UTS2B: variants seen among roughly 807,000 people sequenced by gnomAD.
UTS2B encodes the protein urotensin 2B.
Under a neutral mutation model 19.2 loss-of-function variants are expected in UTS2B, and 21 were observed. The ratio of observed to expected loss-of-function variants is 1.09; its 90% confidence interval spans 0.78 to 1.58. The LOEUF (loss-of-function observed/expected upper bound fraction) is 1.58. UTS2B is among the 40% of genes most tolerant of loss of function. The pLI, the probability that UTS2B is intolerant of heterozygous loss-of-function variation, is 0.00. For missense variants in UTS2B, 138 were observed against 130.3 expected, an observed-to-expected ratio of 1.06 and a Z score of -0.29; for synonymous variants, 57 against 50.2, an observed-to-expected ratio of 1.14 and a Z score of -0.58.
chr3:191,280,311 C>T (rs943488524), intron 5 of UTS2B, among the ~76,000 whole-genome samples: 6 of 152,160 alleles, frequency 3.9e-5, no homozygotes, highest in African/African-American at 1.4e-4. Context: ...CTCATTCCCT[C>T]AGGCACACTT....
chr3:191,330,403 T>A lies in UTS2B; in HGVS notation c.-665+11A>T, dbSNP rs1354112769. 2.6e-5 allele frequency: 4 copies of A among 152,300 alleles called. No individual in the cohort carries two copies. Among genetic ancestry groups the A allele is most frequent in the African/African-American group, 9.7e-5 (4 of 41,384 alleles). 9.4% of individuals were successfully genotyped at this position (152,300 alleles called of 1,614,324 possible). On this transcript the variant is annotated intron_variant, in intron 1 of 8. Coordinates refer to ENST00000340524, the MANE Select transcript of UTS2B (RefSeq NM_198152.5). ...GTACCAATGTCCAGGAAAGTAGAGA[T>A]TAGTACTGACCTGGCTTTAGCTGAC...
intron 2 of UTS2B, among the ~76,000 whole-genome samples, chr3:191,325,513 A>T (rs293871): frequency 0.84 from 127,977 of 152,136 alleles, 54,497 homozygotes; most frequent in East Asian, 1. Flanking sequence ...AGTAACTGAT[A>T]GTGAATTCCA....
the UTS2B span, among the ~76,000 whole-genome samples, chr3:191,342,843 CT>C: frequency 2.0e-5 from 3 of 152,296 alleles, no homozygotes; most frequent in South Asian, 6.2e-4. Context: ...TCTACTACTG[CT>C]TATATAATGG....
At chr3:191,338,511 A>G in the UTS2B span, among the ~76,000 whole-genome samples, 2 of 152,204 alleles carry the variant, frequency 1.3e-5, no homozygotes, top group Non-Finnish European at 2.9e-5. Context: ...CTGCATTTAT[A>G]GATCACTTTC....
At position 191,282,121 on chromosome 3, in the gene UTS2B, T is replaced by TA. The variant is rs755099806; in HGVS notation, c.68dup (p.Leu23PhefsTer15). 1.9e-5 allele frequency: 31 copies of TA among 1,613,356 alleles called. No homozygotes were observed. The highest frequency in any genetic ancestry group is 3.3e-4 in the Middle Eastern group (2 of 6,078). On this transcript the variant is annotated frameshift_variant, in exon 5 of 9. Coordinates refer to ENST00000340524, the MANE Select transcript of UTS2B (RefSeq NM_198152.5). LOFTEE classifies it high-confidence loss of function. ...GATATGGTCGTCCATGCACAGATTG[T>TA]AAAAAACTCAACACGGATAACAAAG...
At chr3:191,323,461 G>A (rs778928063) in intron 2 of UTS2B, among the ~76,000 whole-genome samples, 3 of 152,086 alleles carry the variant, frequency 2.0e-5, no homozygotes, top group Non-Finnish European at 4.4e-5. Context: ...GAGCTATCGC[G>A]CCTGACCTCA....
chr3:191,308,347 G>A (rs1333264062), intron 3 of UTS2B, among the ~76,000 whole-genome samples: 2 of 152,082 alleles, frequency 1.3e-5, no homozygotes, highest in East Asian at 1.9e-4. Context: ...TCTCTTGTAC[G>A]GGAGCCACAT....
chr3:191,309,940 TTTTCTTTCTTTTTTCC>T (rs1237180875), intron 3 of UTS2B, among the ~76,000 whole-genome samples: 9 of 152,048 alleles, frequency 5.9e-5, no homozygotes, highest in African/African-American at 2.2e-4. Context: ...AGAATTTTTT[TTTTCTTTCTTTTTTCC>T]TTTCTTTCTT....
chr3:191,275,472 C>T lies in UTS2B; in HGVS notation c.241-127G>A, dbSNP rs553745032. 2.4e-4 allele frequency: 156 copies of T among 652,162 alleles called. 1 individual carries two copies. In the East Asian group the frequency reaches 3.9e-3, roughly 16 times the overall value. 40.4% of individuals were successfully genotyped at this position (652,162 alleles called of 1,614,324 possible). A position where few individuals can be genotyped will look rare whatever the true frequency, so the allele number is the denominator to read the frequency against. The stretch of plus-strand genomic sequence containing the variant: ...GAGGCAGGCAGGTCACGAGGTCAGG[C>T]GATCAAGACCATCCTGGCTAACACA... On this transcript the variant is annotated intron_variant, in intron 7 of 8. Transcript: ENST00000340524.
rs912600422 is a variant in UTS2B, at chr3:191,322,496, A to C, written c.-585-6057T>G. On this transcript the variant is annotated intron_variant, in intron 2 of 8. Coordinates refer to ENST00000340524, the MANE Select transcript of UTS2B (RefSeq NM_198152.5). ...GTTAATAAGAACAGTTTGTTTTTGG[A>C]GTGGTGTAGGCAAATGTATGATTAG... Among the ~76,000 whole-genome samples, 6 of 152,316 alleles carry C rather than the reference A, an allele frequency of 3.9e-5. No homozygotes were observed. In the East Asian group the frequency reaches 1.2e-3, roughly 29 times the overall value.
intron 4 of UTS2B, among the ~76,000 whole-genome samples, chr3:191,304,229 A>AGGCAC (rs1717076963): frequency 6.6e-6 from 1 of 152,160 alleles, no homozygotes; most frequent in Non-Finnish European, 1.5e-5. Flanking sequence ...AAGTGTTGGG[A>AGGCAC]TTACAGGCGT....
intron 4 of UTS2B, among the ~76,000 whole-genome samples, chr3:191,302,234 T>A (rs888347192): frequency 6.6e-6 from 1 of 152,194 alleles, no homozygotes; most frequent in East Asian, 1.9e-4. Context: ...GCCAGCATCA[T>A]GACAGTTTAC....
At chr3:191,315,680 A>G (rs1331997664) in intron 3 of UTS2B, among the ~76,000 whole-genome samples, 1 of 152,214 alleles carries the variant, frequency 6.6e-6, no homozygotes, top group East Asian at 1.9e-4. Context: ...CCTATTGCCT[A>G]GTGCTTCAGA....
chr3:191,286,896 CAAAT>C (rs1426440915), intron 4 of UTS2B, among the ~76,000 whole-genome samples: 3 of 145,860 alleles, frequency 2.1e-5, no homozygotes, highest in Non-Finnish European at 4.6e-5. Flanking sequence ...AGTGAGAAGA[CAAAT>C]AAAATCAGGA....
intron 4 of UTS2B, among the ~76,000 whole-genome samples, chr3:191,286,908 G>A (rs1426600833): frequency 7.7e-6 from 1 of 130,302 alleles, no homozygotes; most frequent in African/African-American, 2.6e-5. Context: ...AATAAAATCA[G>A]GAAGAATGTA....
At chr3:191,329,440 G>A in intron 1 of UTS2B, 1 of 459,308 alleles carries the variant, frequency 2.2e-6, no homozygotes, top group Non-Finnish European at 3.8e-6. Context: ...CGGGGACGCG[G>A]AGCAGGTGGC....
chr3:191,295,996 A>G (rs1716847123), intron 4 of UTS2B, among the ~76,000 whole-genome samples: 1 of 152,140 alleles, frequency 6.6e-6, no homozygotes, highest in South Asian at 2.1e-4. Flanking sequence ...TGGAAATGTA[A>G]TTATCAGTCT....
At chr3:191,329,703 A>G (rs371977652) in intron 1 of UTS2B, 3 of 1,610,636 alleles carry the variant, frequency 1.9e-6, no homozygotes, top group Non-Finnish European at 2.5e-6. Flanking sequence ...GACCAGTCCA[A>G]GCTGCCTGGA....
chr3:191,296,747 G>A (rs1003644544), intron 4 of UTS2B, among the ~76,000 whole-genome samples: 4 of 152,168 alleles, frequency 2.6e-5, no homozygotes, highest in Admixed American at 6.5e-5. Flanking sequence ...TAAGGAAAGC[G>A]GGAGGCTGAG....
Sources: gnomAD v4.1 joint callset for allele counts (sites outside exome capture counted in the v4.1 genomes callset) on GRCh38, gnomAD v4.1.1 for gene constraint, MANE v1.5 for transcripts, NCBI Gene and HGNC (gene_info 2026-07-23, HGNC 2026-07-21) for gene names.